NTNG1: variants seen among roughly 807,000 people sequenced by gnomAD.
The protein encoded by NTNG1 is netrin-G1.
In NTNG1, 16 loss-of-function variants were observed where a neutral mutation model predicts 54.0. The observed-to-expected ratio is 0.30, with a 90% CI of 0.20 to 0.45. NTNG1 has a LOEUF of 0.45. Among genes scored for constraint, NTNG1 ranks in the 20% least tolerant of loss-of-function variants. The probability of loss-of-function intolerance (pLI) is 1.00; values close to 1 mark genes in which losing one functional copy is unlikely to be tolerated. For missense variants in NTNG1, 530 were observed against 678.7 expected (o/e 0.78, Z 2.43); for synonymous variants, 255 against 263.1 (o/e 0.97, Z 0.30).
intron 7 of NTNG1, among the ~76,000 whole-genome samples, chr1:107,463,828 A>G (rs1383211789): frequency 6.6e-6 from 1 of 152,120 alleles, no homozygotes; most frequent in Non-Finnish European, 1.5e-5. Flanking sequence ...ATCAACAGTG[A>G]CCCTAAAAAT....
At chr1:107,343,776 C>T (rs972270682) in intron 3 of NTNG1, among the ~76,000 whole-genome samples, 4 of 152,112 alleles carry the variant, frequency 2.6e-5, no homozygotes, top group African/African-American at 4.8e-5. Flanking sequence ...AAACATTTCT[C>T]TTTGTTTGTT....
intron 7 of NTNG1, among the ~76,000 whole-genome samples, chr1:107,476,885 C>A (rs1009921598): frequency 6.6e-6 from 1 of 152,240 alleles, no homozygotes; most frequent in Non-Finnish European, 1.5e-5. Flanking sequence ...GTCCATGCAT[C>A]ATTCACTAAT....
intron 5 of NTNG1, among the ~76,000 whole-genome samples, chr1:107,424,116 T>C (rs958187122): frequency 4.6e-5 from 7 of 152,102 alleles, no homozygotes; most frequent in African/African-American, 1.7e-4. Context: ...TATGAAAAAA[T>C]ATAAACAAGA....
chr1:107,275,543 G>A (rs1664413025), intron 2 of NTNG1, among the ~76,000 whole-genome samples: 1 of 152,080 alleles, frequency 6.6e-6, no homozygotes, highest in South Asian at 2.1e-4. Context: ...CTGAGAACCA[G>A]GAGAGCTGAT....
intron 3 of NTNG1, among the ~76,000 whole-genome samples, chr1:107,387,062 A>C (rs1011784469): frequency 6.6e-6 from 1 of 152,210 alleles, no homozygotes; most frequent in African/African-American, 2.4e-5. Context: ...TAAAATATCT[A>C]TTCAGATTCT....
At chr1:107,415,963 A>G (rs1156861888) in intron 5 of NTNG1, among the ~76,000 whole-genome samples, 1 of 152,194 alleles carries the variant, frequency 6.6e-6, no homozygotes, top group African/African-American at 2.4e-5. Flanking sequence ...AAAATTACTC[A>G]GAGAGTAATT....
chr1:107,265,598 A>T (rs144763518), intron 2 of NTNG1, among the ~76,000 whole-genome samples: 1 of 152,340 alleles, frequency 6.6e-6, no homozygotes, highest in Admixed American at 6.5e-5. Flanking sequence ...TAGGTGATTT[A>T]ATTATGTTGA....
At chr1:107,235,338 G>A (rs1348100367) in intron 2 of NTNG1, among the ~76,000 whole-genome samples, 2 of 152,130 alleles carry the variant, frequency 1.3e-5, no homozygotes, top group Non-Finnish European at 2.9e-5. Context: ...AATCAACATC[G>A]CAAATTCCGG....
intron 2 of NTNG1, among the ~76,000 whole-genome samples, chr1:107,243,182 T>C (rs1191893858): frequency 6.6e-6 from 1 of 152,250 alleles, no homozygotes; most frequent in East Asian, 1.9e-4. Context: ...CAGCTATTCC[T>C]GTGCAGGCTT....
intron 3 of NTNG1, among the ~76,000 whole-genome samples, chr1:107,337,653 A>T (rs1000595762): frequency 1.3e-5 from 2 of 152,046 alleles, no homozygotes; most frequent in Non-Finnish European, 2.9e-5. Context: ...AAATAACTGC[A>T]CAAACAATAC....
At chr1:107,417,398 A>G (rs1481051129) in intron 5 of NTNG1, among the ~76,000 whole-genome samples, 1 of 152,102 alleles carries the variant, frequency 6.6e-6, no homozygotes, top group Admixed American at 6.6e-5. Context: ...AGAATGCGCT[A>G]TAATCTAATT....
intron 2 of NTNG1, among the ~76,000 whole-genome samples, chr1:107,209,434 G>A (rs1659452072): frequency 6.6e-6 from 1 of 152,158 alleles, no homozygotes; most frequent in Non-Finnish European, 1.5e-5. Context: ...TGAAAAAGGG[G>A]TGAAAGGAGC....
chr1:107,312,731 A>AT (rs1438236846), intron 2 of NTNG1, among the ~76,000 whole-genome samples: 2 of 152,156 alleles, frequency 1.3e-5, no homozygotes, highest in Non-Finnish European at 2.9e-5. Flanking sequence ...CTTACCAGGC[A>AT]TTTTTTATGC....
intron 2 of NTNG1, among the ~76,000 whole-genome samples, chr1:107,224,028 C>T (rs531724400): frequency 3.3e-5 from 5 of 152,234 alleles, no homozygotes; most frequent in Admixed American, 6.5e-5. Flanking sequence ...AATTAGAGCA[C>T]GAAGTCACAG....
intron 3 of NTNG1, among the ~76,000 whole-genome samples, chr1:107,354,468 CAAAAAAAAA>C (rs398049560): frequency 4.5e-5 from 3 of 66,126 alleles, no homozygotes; most frequent in East Asian, 4.7e-4. Flanking sequence ...GACTCCATCT[CAAAAAAAAA>C]AAAAAAAAAA....
chr1:107,429,481 C>A (rs1018113565), intron 5 of NTNG1, among the ~76,000 whole-genome samples: 1 of 151,978 alleles, frequency 6.6e-6, no homozygotes, highest in Non-Finnish European at 1.5e-5. Flanking sequence ...AACTCAACAC[C>A]TAGCCAAGTT....
At chr1:107,375,988 C>T (rs1055408775) in intron 3 of NTNG1, among the ~76,000 whole-genome samples, 1 of 152,196 alleles carries the variant, frequency 6.6e-6, no homozygotes, top group Non-Finnish European at 1.5e-5. Context: ...TCAGTTGCTT[C>T]TAGCTCATAT....
At chr1:107,323,117 A>G (rs1176735861) in intron 2 of NTNG1, among the ~76,000 whole-genome samples, 1 of 151,452 alleles carries the variant, frequency 6.6e-6, no homozygotes, top group Non-Finnish European at 1.5e-5. Context: ...AAAAAAAAAA[A>G]GGAAAGAAAG....
chr1:107,372,821 G>A (rs1671004054), intron 3 of NTNG1, among the ~76,000 whole-genome samples: 1 of 151,836 alleles, frequency 6.6e-6, no homozygotes, highest in Non-Finnish European at 1.5e-5. Context: ...TTCTGCTTCA[G>A]GAAGAATAAA....
Sources: gnomAD v4.1 joint callset for allele counts (sites outside exome capture counted in the v4.1 genomes callset) on GRCh38, gnomAD v4.1.1 for gene constraint, MANE v1.5 for transcripts, NCBI Gene and HGNC (gene_info 2026-07-23, HGNC 2026-07-21) for gene names.